SNX31: variants seen among roughly 807,000 people sequenced by gnomAD.
SNX31 encodes sorting nexin-31.
A neutral mutation model predicts 65.4 loss-of-function variants in SNX31; 58 were observed. The ratio of observed to expected loss-of-function variants is 0.89; its 90% confidence interval spans 0.72 to 1.10. SNX31 has a LOEUF of 1.10. Among genes scored for constraint, SNX31 ranks in the 50% least tolerant of loss-of-function variants. The pLI is 0.00. For missense variants in SNX31, 523 were observed against 529.7 expected, an observed-to-expected ratio of 0.99 and a Z score of 0.12; for synonymous variants, 181 against 190.1, an observed-to-expected ratio of 0.95 and a Z score of 0.39.
rs559334217 is a variant in SNX31 at position 100,615,814 on chromosome 8, G to A, written c.432+1806C>T. 2.6e-5 allele frequency among the ~76,000 whole-genome samples: 4 copies of A among 152,288 alleles called. No homozygotes were observed. In the South Asian group the frequency reaches 8.3e-4, roughly 32 times the overall value. On this transcript the variant is annotated intron_variant, in intron 5 of 13. Coordinates refer to ENST00000311812, the MANE Select transcript of SNX31 (RefSeq NM_152628.4). ...AGACGGAGTCTTGCTCTGTCGCCCA[G>A]GCTGGAGTGCAGTGGCGCGATCTCG...
At position 100,662,886 on chromosome 8, in the gene SNX31, T is replaced by C. The variant is rs545773782; in HGVS notation, c.-58+256A>G. Among the ~76,000 whole-genome samples the C allele has an allele frequency of 2.0e-5, 3 of 152,254 alleles. No homozygotes were observed. The South Asian group carries it at 6.2e-4, about 32-fold the overall frequency. On this transcript the variant is annotated intron_variant, in intron 1 of 5. Coordinates refer to the SNX31 transcript ENST00000520352. Reference sequence around the variant, plus strand: ...AGTATCATAACACACTTGGCCTAATTTAAAAATACATATTTTTGACTTTTG... The same window carrying C: ...AGTATCATAACACACTTGGCCTAATCTAAAAATACATATTTTTGACTTTTG...
intron 3 of SNX31, among the ~76,000 whole-genome samples, chr8:100,631,045 C>T (rs1818379223): frequency 6.6e-6 from 1 of 152,080 alleles, no homozygotes; most frequent in Admixed American, 6.6e-5. Context: ...GCCTTGGCCT[C>T]CCAAAATGCT....
rs1814246123 is a variant in SNX31 at position 100,588,401 on chromosome 8, A to G, written c.1092+465T>C. 6.6e-6 allele frequency among the ~76,000 whole-genome samples: 1 copy of G among 152,214 alleles called. No homozygotes were observed. Among genetic ancestry groups the G allele is most frequent in the Non-Finnish European group, 1.5e-5 (1 of 68,040 alleles). ...ATTTTTATTAACTAAGATCATAAAA[A>G]TCTGTATTGCCTAAGTCAGGGGTTG... On this transcript the variant is annotated intron_variant, in intron 11 of 13. Transcript: ENST00000311812. The surrounding 1 kb of genome is among the most constrained non-coding windows in gnomAD (Gnocchi z 4.8).
intron 4 of SNX31, chr8:100,618,073 C>T (rs1457185289): frequency 6.1e-6 from 6 of 985,260 alleles, no homozygotes; most frequent in Admixed American, 6.2e-5. Flanking sequence ...GCCTCCACAC[C>T]ATTTTTTAAA....
chr8:100,657,406 C>T (rs1248847609), intron 1 of SNX31, among the ~76,000 whole-genome samples: 5 of 149,552 alleles, frequency 3.3e-5, no homozygotes, highest in African/African-American at 9.9e-5. Flanking sequence ...GAGCCAAGAT[C>T]GCGCCATTGT....
At chr8:100,574,551 T>C (rs1482056210) in intron 13 of SNX31, among the ~76,000 whole-genome samples, 1 of 151,020 alleles carries the variant, frequency 6.6e-6, no homozygotes, top group Non-Finnish European at 1.5e-5. Flanking sequence ...GGGAATCACT[T>C]GAACCCTGGA....
chr8:100,643,901 G>T (rs1210951711), intron 2 of SNX31, among the ~76,000 whole-genome samples: 1 of 152,166 alleles, frequency 6.6e-6, no homozygotes, highest in African/African-American at 2.4e-5. Context: ...GCATGACAAG[G>T]TTGAAACATG....
At chr8:100,621,579 A>G (rs1188551705) in intron 4 of SNX31, among the ~76,000 whole-genome samples, 1 of 152,200 alleles carries the variant, frequency 6.6e-6, no homozygotes, top group Non-Finnish European at 1.5e-5. Flanking sequence ...CCCAGCTAAC[A>G]TCCCCTCTGC....
At chr8:100,656,784 C>T (rs538610658) in intron 1 of SNX31, among the ~76,000 whole-genome samples, 1 of 151,864 alleles carries the variant, frequency 6.6e-6, no homozygotes, top group Non-Finnish European at 1.5e-5. Context: ...CTTTGGGATC[C>T]TTTCACAATG....
At position 100,648,855 on chromosome 8, in the gene SNX31, C is replaced by T. The variant is rs1039606857; in HGVS notation, c.141+419G>A. Reference sequence around the variant, plus strand: ...CTCTCGAGACAAAGGAGATTAAATACCCATGTACAAGACTCCAAAGACTCT... The same window carrying T: ...CTCTCGAGACAAAGGAGATTAAATATCCATGTACAAGACTCCAAAGACTCT... On this transcript the variant is annotated intron_variant, in intron 2 of 13. Transcript: ENST00000311812. The surrounding 1 kb of genome is among the most constrained non-coding windows in gnomAD (Gnocchi z 4.3). Among the ~76,000 whole-genome samples, 1 of 152,224 alleles carries T rather than the reference C, an allele frequency of 6.6e-6. No individual in the cohort carries two copies. Among genetic ancestry groups the T allele is most frequent in the Non-Finnish European group, 1.5e-5 (1 of 68,038 alleles).
At chr8:100,592,912 G>A (rs918175701) in intron 10 of SNX31, among the ~76,000 whole-genome samples, 1 of 152,196 alleles carries the variant, frequency 6.6e-6, no homozygotes, top group African/African-American at 2.4e-5. Flanking sequence ...GTCGGAGTTA[G>A]CTCAAGCGGT....
rs1455937675 is a variant in SNX31, at chr8:100,622,242, G to A, written c.322-4512C>T. Among the ~76,000 whole-genome samples the A allele has an allele frequency of 1.3e-5, 2 of 152,162 alleles. No individual in the cohort carries two copies. Among genetic ancestry groups the A allele is most frequent in the Non-Finnish European group, 2.9e-5 (2 of 68,034 alleles). On this transcript the variant is annotated intron_variant, in intron 4 of 13. Coordinates refer to ENST00000311812, the MANE Select transcript of SNX31 (RefSeq NM_152628.4). This position sits in a 1 kb window ranked among gnomAD's most constrained non-coding sequence, Gnocchi z 5.0. ...AGCTCCTACAGAGCAGGATTATGTG[G>A]TGAGTTTATCTTGAAGAGTGCCCTG...
chr8:100,649,927 T>C (rs1819911089), upstream of SNX31, among the ~76,000 whole-genome samples: 3 of 152,270 alleles, frequency 2.0e-5, no homozygotes, highest in South Asian at 6.2e-4. Context: ...AACTGCCTTA[T>C]GATTAGCAGA....
intron 2 of SNX31, among the ~76,000 whole-genome samples, chr8:100,638,630 A>G (rs62513892): frequency 0.13 from 19,983 of 152,280 alleles, 1,814 homozygotes; most frequent in African/African-American, 0.26. Flanking sequence ...TATCTTGAAG[A>G]GAATACAGAA....
chr8:100,662,330 C>A (rs945246575), intron 1 of SNX31, among the ~76,000 whole-genome samples: 2 of 152,228 alleles, frequency 1.3e-5, no homozygotes, highest in African/African-American at 2.4e-5. Context: ...GATCACTCAG[C>A]AATGCCTGTC....
At chr8:100,590,478 A>C (rs1814471366) in intron 10 of SNX31, among the ~76,000 whole-genome samples, 1 of 152,178 alleles carries the variant, frequency 6.6e-6, no homozygotes, top group Non-Finnish European at 1.5e-5. Context: ...TGGCAGCATC[A>C]GTTAAAACAT....
rs1053511988 is a variant in SNX31, at chr8:100,612,767, T to C, written c.523+228A>G. Among the ~76,000 whole-genome samples, 4 of 151,746 alleles carry C rather than the reference T, an allele frequency of 2.6e-5. No individual in the cohort carries two copies. The highest frequency in any genetic ancestry group is 6.6e-5 in the Admixed American group (1 of 15,234). On this transcript the variant is annotated intron_variant, in intron 6 of 13. Transcript: ENST00000311812. This position sits in a 1 kb window ranked among gnomAD's most constrained non-coding sequence, Gnocchi z 4.3. ...AGGGGGTCAGGATTAGGGCTGGGGG[T>C]ACACAAGTGCAGTTACTGGACCACC...
chr8:100,652,599 A>G (rs141249930), upstream of SNX31, among the ~76,000 whole-genome samples: 432 of 152,216 alleles, frequency 2.8e-3, no homozygotes, highest in Non-Finnish European at 4.6e-3. Context: ...ACTATTTCCT[A>G]CTTTGAAAGC....
intron 3 of SNX31, among the ~76,000 whole-genome samples, chr8:100,633,856 A>G (rs2131202547): frequency 6.6e-6 from 1 of 152,330 alleles, no homozygotes; most frequent in South Asian, 2.1e-4. Flanking sequence ...TATGTTTGCA[A>G]CTTTTCTGTA....
Sources: allele counts gnomAD v4.1 joint callset (sites outside exome capture counted in the v4.1 genomes callset), GRCh38; gene constraint gnomAD v4.1.1; non-coding constraint Gnocchi (gnomAD v3.1); transcripts MANE v1.5; gene names NCBI Gene and HGNC (gene_info 2026-07-23, HGNC 2026-07-21).